VEPH1: variants seen among roughly 807,000 people sequenced by gnomAD.
VEPH1 encodes the protein ventricular zone expressed PH domain containing 1.
In VEPH1, 80 loss-of-function variants were observed where a neutral mutation model predicts 85.2. The ratio of observed to expected loss-of-function variants is 0.94; its 90% CI spans 0.78 to 1.13. VEPH1 has a LOEUF of 1.13. VEPH1 is among the 50% of genes most tolerant of loss of function. VEPH1 has a pLI of 0.00. For missense variants in VEPH1, 955 were observed against 980.5 expected (o/e 0.97, Z 0.35); for synonymous variants, 297 against 348.0 (o/e 0.85, Z 1.63).
At chr3:157,326,798 G>A (rs1577347839) in intron 9 of VEPH1, among the ~76,000 whole-genome samples, 3 of 152,198 alleles carry the variant, frequency 2.0e-5, no homozygotes, top group Admixed American at 6.5e-5. Context: ...AATGGTCACC[G>A]CTGAAGATTC....
intron 3 of VEPH1, among the ~76,000 whole-genome samples, chr3:157,461,205 T>C (rs949822127): frequency 2.2e-4 from 34 of 152,248 alleles, no homozygotes; most frequent in African/African-American, 8.2e-4. Flanking sequence ...CCTATTAGCA[T>C]TTAGTTACCA....
rs1173558311 is a variant in VEPH1 at position 157,495,300 on chromosome 3, G to T, written c.50C>A (p.Ala17Asp). 1.2e-6 allele frequency: 2 copies of T among 1,613,916 alleles called. No individual in the cohort carries two copies. The highest frequency in any genetic ancestry group is 1.7e-6 in the Non-Finnish European group (2 of 1,179,932). ...LVLGQKDLSR[A>D]GDLFSLDDSE... is the part of the protein sequence containing the mutation. Reference sequence around the variant, plus strand: ...GTCATCTAAGGAGAAGAGGTCCCCAGCTCGTGAAAGATCTTTTTGTCCCAA... The same window carrying T: ...GTCATCTAAGGAGAAGAGGTCCCCATCTCGTGAAAGATCTTTTTGTCCCAA... The change falls in exon 2 of 14, where the codon GCT (alanine) becomes GAT (aspartate). Residue 17 changes from alanine to aspartate, a missense_variant. Transcript: ENST00000362010.
chr3:157,436,124 A>G lies in VEPH1; in HGVS notation c.530-7636T>C, dbSNP rs572322024. Among the ~76,000 whole-genome samples, 630 of 152,252 alleles carry G rather than the reference A, an allele frequency of 4.1e-3. 3 individuals carry two copies. Among genetic ancestry groups the G allele is most frequent in the South Asian group, 9.8e-3 (47 of 4,816 alleles). ...AAACCCTGTCTCTACTAAAAATACA[A>G]AAATTAACTGGGTGTGGTGGCGGGT... On this transcript the variant is annotated intron_variant, in intron 4 of 13. Transcript: ENST00000362010.
intron 11 of VEPH1, among the ~76,000 whole-genome samples, chr3:157,290,359 T>G (rs1717335042): frequency 6.6e-6 from 1 of 152,182 alleles, no homozygotes; most frequent in Admixed American, 6.5e-5. Flanking sequence ...TGTGAGACCC[T>G]GAATGGAGGA....
chr3:157,388,369 C>T (rs1194086666), intron 6 of VEPH1, among the ~76,000 whole-genome samples: 2 of 152,150 alleles, frequency 1.3e-5, no homozygotes, highest in Non-Finnish European at 2.9e-5. Flanking sequence ...ACTCTCCTCC[C>T]ACCCCAATGC....
intron 11 of VEPH1, among the ~76,000 whole-genome samples, chr3:157,291,323 A>C (rs1472289636): frequency 6.6e-6 from 1 of 152,246 alleles, no homozygotes; most frequent in African/African-American, 2.4e-5. Context: ...TGCTTAGGGA[A>C]TATAATTAAT....
At chr3:157,279,863 A>T (rs4679789) in intron 12 of VEPH1, among the ~76,000 whole-genome samples, 33,761 of 151,922 alleles carry the variant, frequency 0.22, 4,619 homozygotes, top group Admixed American at 0.42. Context: ...TAAAAATACA[A>T]AAATTAGCTG....
At chr3:157,471,479 G>A (rs1296799444) in intron 2 of VEPH1, among the ~76,000 whole-genome samples, 1 of 152,148 alleles carries the variant, frequency 6.6e-6, no homozygotes, top group African/African-American at 2.4e-5. Flanking sequence ...TTACGAATGT[G>A]AACTCCCTCC....
rs145939134 is a variant in VEPH1, at chr3:157,440,963, A to AG, written c.530-12476dup. On this transcript the variant is annotated intron_variant, in intron 4 of 13. Transcript: ENST00000362010. The stretch of plus-strand genomic sequence containing the variant: ...AATAGTAATTATAAGCATGTGGACA[A>AG]GGTAGAATTTTTAAACACATTTTTG... Among the ~76,000 whole-genome samples the AG allele has an allele frequency of 9.0e-3, 1,370 of 152,316 alleles. 20 individuals carry two copies. Among genetic ancestry groups the AG allele is most frequent in the East Asian group, 0.036 (189 of 5,188 alleles).
intron 6 of VEPH1, among the ~76,000 whole-genome samples, chr3:157,391,344 T>G (rs1301854748): frequency 1.3e-5 from 2 of 152,154 alleles, no homozygotes; most frequent in Non-Finnish European, 2.9e-5. Context: ...CCACTGGGGA[T>G]CCAAGCCACC....
chr3:157,475,807 A>T (rs950880013), intron 2 of VEPH1, among the ~76,000 whole-genome samples: 1 of 152,208 alleles, frequency 6.6e-6, no homozygotes, highest in African/African-American at 2.4e-5. Context: ...ATGAGAGAAC[A>T]TTCTCCCAAC....
At chr3:157,473,712 G>A (rs1354105856) in intron 2 of VEPH1, among the ~76,000 whole-genome samples, 1 of 152,062 alleles carries the variant, frequency 6.6e-6, no homozygotes, top group African/African-American at 2.4e-5. Flanking sequence ...TTACATATTT[G>A]ATTTAATTTC....
At position 157,305,069 on chromosome 3, in the gene VEPH1, T is replaced by TA. The variant is rs1559941160; in HGVS notation, c.2010+8551_2010+8552insT. On this transcript the variant is annotated intron_variant, in intron 11 of 13. Transcript: ENST00000362010. ...CTATCTATCTATCTATCTATCTATC[T>TA]TCCTATCTCTCTATTTCATCTATCT... Among the ~76,000 whole-genome samples, 11 of 149,206 alleles carry TA rather than the reference T, an allele frequency of 7.4e-5. No homozygotes were observed. In the East Asian group the frequency reaches 1.4e-3, roughly 19 times the overall value.
intron 4 of VEPH1, among the ~76,000 whole-genome samples, chr3:157,446,292 C>T (rs1295702126): frequency 6.6e-6 from 1 of 152,062 alleles, no homozygotes; most frequent in Non-Finnish European, 1.5e-5. Context: ...TCCTGGGAAG[C>T]CCTCAGTCCC....
At chr3:157,366,406 A>G (rs891522699) in intron 7 of VEPH1, among the ~76,000 whole-genome samples, 1 of 152,078 alleles carries the variant, frequency 6.6e-6, no homozygotes, top group African/African-American at 2.4e-5. Context: ...AGTGAGAGGA[A>G]AAACATCCTT....
At chr3:157,272,438 TC>T (rs1714818944) in intron 12 of VEPH1, among the ~76,000 whole-genome samples, 3 of 142,038 alleles carry the variant, frequency 2.1e-5, no homozygotes, top group African/African-American at 7.9e-5. Flanking sequence ...TTTCTTTCTT[TC>T]CTTCTCTCTC....
intron 13 of VEPH1, among the ~76,000 whole-genome samples, chr3:157,263,498 A>G (rs1018297487): frequency 6.6e-6 from 1 of 152,050 alleles, no homozygotes; most frequent in Non-Finnish European, 1.5e-5. Flanking sequence ...TCTATTCTTG[A>G]TTTCTTGAAT....
Position 157,428,428 on chromosome 3 carries a change from T to C in VEPH1, c.590A>G (p.Asn197Ser), listed in dbSNP as rs775693133. The change falls in exon 5 of 14, where the codon AAT (asparagine) becomes AGT (serine). Residue 197 changes from asparagine to serine, a missense_variant. Transcript: ENST00000362010. ...AVYEKQPQPINRHLTELLALM... is the reference protein window; with the variant it reads ...AVYEKQPQPISRHLTELLALM... ...GGCCAGGAGTTCTGTCAGGTGTCTA[T>C]TAATTGGCTGAGGCTGCTTTTCATA... The C allele has an allele frequency of 1.2e-6, 2 of 1,614,156 alleles. No homozygotes were observed. Among genetic ancestry groups the C allele is most frequent in the Non-Finnish European group, 1.7e-6 (2 of 1,180,006 alleles).
intron 9 of VEPH1, among the ~76,000 whole-genome samples, chr3:157,330,237 A>G (rs1413664629): frequency 6.6e-6 from 1 of 152,236 alleles, no homozygotes; most frequent in East Asian, 1.9e-4. Context: ...CAAGACCTCT[A>G]TAGTCAATTT....
Sources: allele counts gnomAD v4.1 joint callset (sites outside exome capture counted in the v4.1 genomes callset), GRCh38; gene constraint gnomAD v4.1.1; transcripts MANE v1.5; gene names NCBI Gene and HGNC (gene_info 2026-07-23, HGNC 2026-07-21).